CFAP299: variants seen among roughly 807,000 people sequenced by gnomAD.
The protein encoded by CFAP299 is cilia- and flagella-associated protein 299.
Under a neutral mutation model 27.0 loss-of-function variants are expected in CFAP299, and 21 were observed. That is an observed-to-expected ratio of 0.78 (90% CI 0.55 to 1.12). CFAP299 has a LOEUF of 1.12. Ranked by LOEUF, CFAP299 falls within the 50% of genes most tolerant of loss-of-function variation. The pLI, the probability that CFAP299 is intolerant of heterozygous loss-of-function variation, is 0.00. For missense variants in CFAP299, 310 were observed against 276.6 expected (o/e 1.12, Z -0.86); for synonymous variants, 104 against 98.1 (o/e 1.06, Z -0.36).
chr4:80,940,921 G>C (rs867408872), intron 4 of CFAP299, among the ~76,000 whole-genome samples: 1 of 152,134 alleles, frequency 6.6e-6, no homozygotes, highest in Non-Finnish European at 1.5e-5. Flanking sequence ...ATATAGTTCT[G>C]TAATGAGTAA....
chr4:80,767,254 ACAAGTATAACAATATG>A (rs1725926176), intron 3 of CFAP299, among the ~76,000 whole-genome samples: 1 of 152,218 alleles, frequency 6.6e-6, no homozygotes, highest in South Asian at 2.1e-4. Context: ...AATAAATAGA[ACAAGTATAACAATATG>A]CTGTAATAAA....
At chr4:80,799,669 A>AATATAT (rs1176770829) in intron 3 of CFAP299, among the ~76,000 whole-genome samples, 384 of 19,002 alleles carry the variant, frequency 0.02, 75 homozygotes, top group East Asian at 0.096. Flanking sequence ...TATATTTTAT[A>AATATAT]AATATATATT....
chr4:80,727,962 G>T (rs1243855227), intron 3 of CFAP299, among the ~76,000 whole-genome samples: 1 of 151,766 alleles, frequency 6.6e-6, no homozygotes, highest in East Asian at 1.9e-4. Flanking sequence ...AATTAAAATT[G>T]AGATTCAAAT....
chr4:80,417,728 A>G (rs1727084357), intron 2 of CFAP299, among the ~76,000 whole-genome samples: 2 of 152,126 alleles, frequency 1.3e-5, no homozygotes, highest in Non-Finnish European at 2.9e-5. Context: ...ACAAGGAGTG[A>G]TTGTAATGCC....
chr4:80,352,466 CTG>C (rs771522273), intron 1 of CFAP299, among the ~76,000 whole-genome samples: 72 of 152,142 alleles, frequency 4.7e-4, no homozygotes, highest in Non-Finnish European at 8.7e-4. Flanking sequence ...ACTTGGGAGA[CTG>C]AGGCAGGAGA....
chr4:80,870,946 G>A (rs766763193), intron 4 of CFAP299: 77 of 925,184 alleles, frequency 8.3e-5, no homozygotes, highest in South Asian at 2.0e-4. Context: ...TCGCTCTGTC[G>A]CCCAGGCTGG....
intron 4 of CFAP299, among the ~76,000 whole-genome samples, chr4:80,941,575 A>G (rs1157123630): frequency 6.6e-6 from 1 of 152,208 alleles, no homozygotes; most frequent in Non-Finnish European, 1.5e-5. Flanking sequence ...TCCAAAGTCC[A>G]AATATCTTTC....
At chr4:80,488,622 A>G (rs887108600) in intron 2 of CFAP299, among the ~76,000 whole-genome samples, 1 of 152,042 alleles carries the variant, frequency 6.6e-6, no homozygotes, top group Non-Finnish European at 1.5e-5. Flanking sequence ...TAAAGGCACC[A>G]GCCACCACAC....
chr4:80,688,336 G>C (rs1260591364), intron 3 of CFAP299, among the ~76,000 whole-genome samples: 1 of 152,164 alleles, frequency 6.6e-6, no homozygotes, highest in African/African-American at 2.4e-5. Context: ...CATGCAGCTG[G>C]AGATCTGAGA....
At chr4:80,521,042 A>G (rs1336870670) in intron 2 of CFAP299, among the ~76,000 whole-genome samples, 1 of 152,162 alleles carries the variant, frequency 6.6e-6, no homozygotes, top group Non-Finnish European at 1.5e-5. Context: ...AAATAGAGGA[A>G]ACTTTTGCGA....
chr4:80,672,867 T>C (rs1741579714), intron 3 of CFAP299, among the ~76,000 whole-genome samples: 1 of 152,164 alleles, frequency 6.6e-6, no homozygotes, highest in Non-Finnish European at 1.5e-5. Flanking sequence ...TGTCATTTTT[T>C]ATTGCATGTA....
chr4:80,617,085 G>C (rs944125522), intron 3 of CFAP299, among the ~76,000 whole-genome samples: 4 of 152,012 alleles, frequency 2.6e-5, no homozygotes, highest in African/African-American at 9.7e-5. Context: ...GAGAGTACTA[G>C]ACCACTATTT....
chr4:80,942,841 C>A (rs1401465212), intron 4 of CFAP299, among the ~76,000 whole-genome samples: 1 of 152,150 alleles, frequency 6.6e-6, no homozygotes, highest in East Asian at 1.9e-4. Flanking sequence ...ATTCCCCACT[C>A]CAATTTGGCA....
At chr4:80,343,799 TAAAAAAAA>T (rs35187249) in intron 1 of CFAP299, among the ~76,000 whole-genome samples, 2 of 75,356 alleles carry the variant, frequency 2.7e-5, no homozygotes, top group African/African-American at 1.2e-4. Flanking sequence ...AGACTCCGTC[TAAAAAAAA>T]AAAAAAAAAA....
At chr4:80,941,480 A>G (rs1737192165) in intron 4 of CFAP299, among the ~76,000 whole-genome samples, 1 of 152,324 alleles carries the variant, frequency 6.6e-6, no homozygotes, top group Middle Eastern at 3.4e-3. Context: ...TGAAAATTTC[A>G]TAGATTTAAA....
intron 2 of CFAP299, among the ~76,000 whole-genome samples, chr4:80,551,539 T>G (rs1241668849): frequency 6.6e-6 from 1 of 152,170 alleles, no homozygotes; most frequent in East Asian, 1.9e-4. Context: ...TATACTATAT[T>G]CAAAGTCCAG....
rs77950014 is a variant in CFAP299, at chr4:80,414,661, C to T, written c.242+51777C>T. ...TAAAAGAGATTCAAGGGGGCTGCTA[C>T]GGCTAAAGTATTGTCAAGGGTCATG... On this transcript the variant is annotated intron_variant, in intron 2 of 5. Transcript: ENST00000358105. 9.5e-3 allele frequency among the ~76,000 whole-genome samples: 1,450 copies of T among 152,252 alleles called. 27 individuals carry two copies. Among genetic ancestry groups the T allele is most frequent in the African/African-American group, 0.032 (1,339 of 41,534 alleles).
rs1740090052 is a variant in CFAP299 at position 80,647,618 on chromosome 4, C to T, written c.333+64435C>T. Among the ~76,000 whole-genome samples, 3 of 152,160 alleles carry T rather than the reference C, an allele frequency of 2.0e-5. No individual in the cohort carries two copies. The South Asian group carries it at 6.2e-4, about 31-fold the overall frequency. ...TGGGATACTGCTTGCTGTCTATGCA[C>T]TCTGCCTTTTTTAGTTGTGGTGTAT... On this transcript the variant is annotated intron_variant, in intron 3 of 5. Transcript: ENST00000358105.
chr4:80,513,054 G>T (rs1732396755), intron 2 of CFAP299, among the ~76,000 whole-genome samples: 1 of 152,096 alleles, frequency 6.6e-6, no homozygotes, highest in African/African-American at 2.4e-5. Flanking sequence ...AAAATTTATG[G>T]AAGAATTATA....
Sources: allele counts gnomAD v4.1 joint callset (sites outside exome capture counted in the v4.1 genomes callset), GRCh38; gene constraint gnomAD v4.1.1; transcripts MANE v1.5; gene names NCBI Gene and HGNC (gene_info 2026-07-23, HGNC 2026-07-21).